HCN1: variants seen among roughly 807,000 people sequenced by gnomAD.
The protein encoded by HCN1 is hyperpolarization activated cyclic nucleotide gated potassium channel 1, also known as potassium/sodium hyperpolarization-activated cyclic nucleotide-gated channel 1.
HCN1 carries 13 observed loss-of-function variants against 78.9 expected under a neutral mutation model. The ratio of observed to expected loss-of-function variants is 0.16; its 90% confidence interval spans 0.11 to 0.26. The LOEUF is 0.26. Among genes scored for constraint, HCN1 ranks in the 10% least tolerant of loss-of-function variants. The pLI is 1.00. For synonymous variants in HCN1, 552 were observed against 455.5 expected (o/e 1.21, Z -2.70); for missense variants, 810 against 1,154.3 (o/e 0.70, Z 4.32).
intron 2 of HCN1, among the ~76,000 whole-genome samples, chr5:45,522,684 TTTTGGAAACGACAACTCTGC>T (rs954100919): frequency 5.3e-5 from 8 of 151,756 alleles, no homozygotes; most frequent in African/African-American, 1.9e-4. Context: ...AAAAAATATC[TTTTGGAAACGACAACTCTGC>T]TTTGAATTGA....
In HCN1 at chr5:45,261,701, C is replaced by G; in HGVS notation, c.*220G>C. ...TTTAAAGAAAGGAAGACATATAACA[C>G]TGAATGCTAAACAGGTCTTTTGACC... is the stretch of plus-strand genomic sequence containing the variant. On this transcript the variant is annotated 3_prime_UTR_variant, in exon 8 of 8. Coordinates refer to ENST00000303230, the MANE Select transcript of HCN1 (RefSeq NM_021072.4). The G allele has an allele frequency of 2.3e-6, 1 of 443,892 alleles. No individual in the cohort carries two copies. The highest frequency in any genetic ancestry group is 4.0e-6 in the Non-Finnish European group (1 of 250,008). 27.5% of individuals were successfully genotyped at this position (443,892 alleles called of 1,614,324 possible).
At chr5:45,446,571 A>G (rs1740801747) in intron 3 of HCN1, among the ~76,000 whole-genome samples, 1 of 152,182 alleles carries the variant, frequency 6.6e-6, no homozygotes, top group Admixed American at 6.5e-5. Flanking sequence ...GAGCAACTCT[A>G]AGACATATAA....
chr5:45,518,234 T>G (rs1009537123), intron 2 of HCN1, among the ~76,000 whole-genome samples: 1 of 152,064 alleles, frequency 6.6e-6, no homozygotes, highest in Non-Finnish European at 1.5e-5. Context: ...ATCATTTATT[T>G]GCATCAGAGT....
At chr5:45,596,251 G>A (rs1482325732) in intron 2 of HCN1, among the ~76,000 whole-genome samples, 2 of 152,052 alleles carry the variant, frequency 1.3e-5, no homozygotes, top group South Asian at 2.1e-4. Flanking sequence ...TAACCTAACT[G>A]TAAGTTGAGA....
At chr5:45,597,035 A>T (rs1350234858) in intron 2 of HCN1, among the ~76,000 whole-genome samples, 1 of 152,218 alleles carries the variant, frequency 6.6e-6, no homozygotes, top group Non-Finnish European at 1.5e-5. Flanking sequence ...CACTCAGTAG[A>T]AAAAGAGGGA....
At chr5:45,414,610 G>A (rs986171016) in intron 3 of HCN1, among the ~76,000 whole-genome samples, 1 of 152,058 alleles carries the variant, frequency 6.6e-6, no homozygotes, top group African/African-American at 2.4e-5. Flanking sequence ...CAGAAGAACA[G>A]CTGAACAGTA....
chr5:45,363,132 TTATATATATATACATATATATATATA>T (rs1349826392), intron 4 of HCN1, among the ~76,000 whole-genome samples: 2 of 116,064 alleles, frequency 1.7e-5, no homozygotes, highest in Non-Finnish European at 3.4e-5. Context: ...ATATAACATA[TTATATATATATACATATATATATATA>T]TATATATATA....
In HCN1 at chr5:45,561,584, C is replaced by T. The variant is rs376165810; in HGVS notation, c.849+83601G>A. Among the ~76,000 whole-genome samples, 31 of 142,442 alleles carry T rather than the reference C, an allele frequency of 2.2e-4. No homozygotes were observed. In the East Asian group the frequency reaches 2.6e-3, roughly 12 times the overall value. The allele number at this position is 142,442 out of a possible 152,430, so 93.4% of individuals were successfully genotyped here. A position where few individuals can be genotyped will look rare whatever the true frequency, so the allele number is the denominator to read the frequency against. Reference sequence around the variant, plus strand: ...GAATTTGACTGGCCTTTGTCCCTGGCTCCTGAGAAAAAAGAAAAAAAAAAA... The same window carrying T: ...GAATTTGACTGGCCTTTGTCCCTGGTTCCTGAGAAAAAAGAAAAAAAAAAA... On this transcript the variant is annotated intron_variant, in intron 2 of 7. Coordinates refer to ENST00000303230, the MANE Select transcript of HCN1 (RefSeq NM_021072.4).
intron 6 of HCN1, among the ~76,000 whole-genome samples, chr5:45,281,519 G>A (rs1432345163): frequency 6.7e-6 from 1 of 148,998 alleles, no homozygotes; most frequent in East Asian, 2.0e-4. Context: ...TAATACATAT[G>A]TGCAGACAAA....
intron 5 of HCN1, among the ~76,000 whole-genome samples, chr5:45,306,630 A>G (rs905464174): frequency 1.3e-5 from 2 of 152,136 alleles, no homozygotes; most frequent in Non-Finnish European, 2.9e-5. Context: ...GATGTCTAGT[A>G]TAGTAGAAAC....
intron 1 of HCN1, among the ~76,000 whole-genome samples, chr5:45,667,533 G>A (rs972963588): frequency 6.6e-6 from 1 of 151,994 alleles, no homozygotes. Flanking sequence ...AGTGTCAGAT[G>A]TACTATAGGT....
intron 5 of HCN1, among the ~76,000 whole-genome samples, chr5:45,305,810 G>A (rs1745722292): frequency 6.8e-6 from 1 of 148,020 alleles, no homozygotes; most frequent in Non-Finnish European, 1.5e-5. Context: ...AAGAAGGAAT[G>A]AAGGAAGCAA....
chr5:45,318,655 G>T (rs560432603), intron 5 of HCN1, among the ~76,000 whole-genome samples: 9 of 151,918 alleles, frequency 5.9e-5, no homozygotes, highest in Non-Finnish European at 8.8e-5. Context: ...CCATTATTTT[G>T]CTAAAATATG....
chr5:45,315,699 G>A (rs989007313), intron 5 of HCN1, among the ~76,000 whole-genome samples: 3 of 151,834 alleles, frequency 2.0e-5, no homozygotes, highest in African/African-American at 7.2e-5. Flanking sequence ...AGAGAAGAAT[G>A]AAATAGACAC....
chr5:45,412,254 C>T (rs943534649), intron 3 of HCN1, among the ~76,000 whole-genome samples: 20 of 152,108 alleles, frequency 1.3e-4, no homozygotes, highest in African/African-American at 4.6e-4. Context: ...TTCATCTTCA[C>T]TTTTCTTTGG....
chr5:45,352,997 G>C, intron 5 of HCN1, 103 bp downstream of exon 5: 2 of 933,852 alleles, frequency 2.1e-6, no homozygotes, highest in Non-Finnish European at 3.4e-6. Flanking sequence ...ATCTTAATAA[G>C]TTTAGGTTTT....
Position 45,374,271 on chromosome 5 carries a change from A to G in HCN1, c.1231-21025T>C, listed in dbSNP as rs1171910964. 4.0e-5 allele frequency among the ~76,000 whole-genome samples: 4 copies of G among 99,610 alleles called. No individual in the cohort carries two copies. The South Asian group carries it at 9.1e-4, about 23-fold the overall frequency. 65.3% of individuals were successfully genotyped at this position (99,610 alleles called of 152,430 possible). On this transcript the variant is annotated intron_variant, in intron 4 of 7. Coordinates refer to ENST00000303230, the MANE Select transcript of HCN1 (RefSeq NM_021072.4). ...TGTACATTATATACATAACATATATATTATATACATTATATACATTATATA... is the reference window on the plus strand; with the variant it reads ...TGTACATTATATACATAACATATATGTTATATACATTATATACATTATATA...
intron 2 of HCN1, among the ~76,000 whole-genome samples, chr5:45,527,974 G>A: frequency 6.6e-6 from 1 of 150,860 alleles, no homozygotes; most frequent in African/African-American, 2.4e-5. Flanking sequence ...ATAGTCCTAG[G>A]GGAAAAATAA....
At chr5:45,548,895 A>C (rs1228922726) in intron 2 of HCN1, among the ~76,000 whole-genome samples, 85 of 151,836 alleles carry the variant, frequency 5.6e-4, no homozygotes, top group African/African-American at 1.7e-3. Context: ...TCCCATTCAC[A>C]ATTGCTTCAA....
Sources: allele counts gnomAD v4.1 joint callset (sites outside exome capture counted in the v4.1 genomes callset), GRCh38; gene constraint gnomAD v4.1.1; transcripts MANE v1.5; gene names NCBI Gene and HGNC (gene_info 2026-07-23, HGNC 2026-07-21).